The following GMDS variants were observed in gnomAD, a reference collection of about 807,000 sequenced individuals.
GMDS encodes the protein GDP-mannose 4,6-dehydratase.
GMDS carries 20 observed loss-of-function variants against 49.9 expected under a neutral mutation model. That is an observed-to-expected ratio of 0.40 (90% CI 0.28 to 0.58). GMDS has a LOEUF of 0.58. GMDS is among the 20% of genes least tolerant of loss of function. GMDS has a pLI of 0.42. For synonymous variants in GMDS, 177 were observed against 178.6 expected (o/e 0.99, Z 0.07); for missense variants, 362 against 481.4 (o/e 0.75, Z 2.32).
intron 1 of GMDS, among the ~76,000 whole-genome samples, chr6:2,236,986 G>T (rs1781389071): frequency 6.6e-6 from 1 of 152,100 alleles, no homozygotes; most frequent in Non-Finnish European, 1.5e-5. Flanking sequence ...AAGTTTAAAA[G>T]AACTTAGTAT....
intron 4 of GMDS, among the ~76,000 whole-genome samples, chr6:2,034,741 C>T (rs1267342743): frequency 6.6e-6 from 1 of 152,150 alleles, no homozygotes; most frequent in Non-Finnish European, 1.5e-5. Flanking sequence ...TCAAAAAATA[C>T]AAACACATCA....
intron 7 of GMDS, among the ~76,000 whole-genome samples, chr6:1,922,385 T>C (rs1029500642): frequency 1.4e-4 from 22 of 152,194 alleles, no homozygotes; most frequent in Admixed American, 3.9e-4. Flanking sequence ...TACTGCTATA[T>C]GCTACTCTCC....
At chr6:1,728,580 A>G (rs1766675737) in intron 8 of GMDS, among the ~76,000 whole-genome samples, 1 of 152,190 alleles carries the variant, frequency 6.6e-6, no homozygotes, top group Non-Finnish European at 1.5e-5. Flanking sequence ...ATTCAAATCT[A>G]TTTATAATTC....
chr6:1,828,203 T>C (rs1327284220), intron 7 of GMDS, among the ~76,000 whole-genome samples: 1 of 151,868 alleles, frequency 6.6e-6, no homozygotes, highest in Admixed American at 6.6e-5. Context: ...AGCAGAAGAA[T>C]TAGTAAATTT....
chr6:1,702,073 C>A (rs1338149973), intron 9 of GMDS, among the ~76,000 whole-genome samples: 1 of 152,236 alleles, frequency 6.6e-6, no homozygotes, highest in Non-Finnish European at 1.5e-5. Context: ...AACTGGAATG[C>A]CCCCTTTAAG....
At chr6:1,861,242 C>T (rs1758168783) in intron 7 of GMDS, among the ~76,000 whole-genome samples, 1 of 152,158 alleles carries the variant, frequency 6.6e-6, no homozygotes, top group Non-Finnish European at 1.5e-5. Context: ...GTTCTGGGCT[C>T]AGTCCTGTGT....
intron 7 of GMDS, among the ~76,000 whole-genome samples, chr6:1,805,549 T>G (rs994320769): frequency 6.6e-6 from 1 of 152,156 alleles, no homozygotes; most frequent in Non-Finnish European, 1.5e-5. Context: ...GAACCATACT[T>G]CTTTGGCATC....
At chr6:1,708,930 T>C (rs1765843030) in intron 9 of GMDS, among the ~76,000 whole-genome samples, 1 of 152,232 alleles carries the variant, frequency 6.6e-6, no homozygotes, top group Non-Finnish European at 1.5e-5. Context: ...CATGTTCAGT[T>C]GGGCCCTGAC....
intron 7 of GMDS, among the ~76,000 whole-genome samples, chr6:1,846,401 T>C (rs938637750): frequency 5.3e-5 from 8 of 152,318 alleles, no homozygotes; most frequent in African/African-American, 1.4e-4. Flanking sequence ...CCAGACACCA[T>C]GATTCTAATG....
At chr6:2,075,119 G>A (rs1456284876) in intron 4 of GMDS, among the ~76,000 whole-genome samples, 3 of 151,914 alleles carry the variant, frequency 2.0e-5, no homozygotes, top group Admixed American at 2.0e-4. Flanking sequence ...TTCTTTGGCT[G>A]TTCTCTTTGG....
chr6:1,688,055 A>G (rs1765045119), intron 9 of GMDS, among the ~76,000 whole-genome samples: 1 of 152,180 alleles, frequency 6.6e-6, no homozygotes, highest in African/African-American at 2.4e-5. Context: ...GAGGCTCTTA[A>G]ATCCACAGCA....
Position 1,997,478 on chromosome 6 carries a change from A to C in GMDS, c.346-36512T>G, listed in dbSNP as rs370685183. ...AGCTGAGATCGCGCCACTGCACTCC[A>C]GCCTGGGAGACAGAGTGAGACTCTG... On this transcript the variant is annotated intron_variant, in intron 4 of 10. Coordinates refer to ENST00000380815, the MANE Select transcript of GMDS (RefSeq NM_001500.4). Among the ~76,000 whole-genome samples the C allele has an allele frequency of 3.3e-3, 477 of 145,454 alleles. 5 individuals carry two copies. Among genetic ancestry groups the C allele is most frequent in the African/African-American group, 0.012 (450 of 38,672 alleles).
intron 7 of GMDS, among the ~76,000 whole-genome samples, chr6:1,743,756 A>G (rs1767378015): frequency 7.4e-6 from 1 of 134,974 alleles, no homozygotes; most frequent in Non-Finnish European, 1.6e-5. Flanking sequence ...TTTAATACAG[A>G]TAGGAGATGA....
chr6:1,663,016 C>T (rs1184776468), intron 9 of GMDS, among the ~76,000 whole-genome samples: 2 of 152,136 alleles, frequency 1.3e-5, no homozygotes, highest in African/African-American at 2.4e-5. Flanking sequence ...TTCTGGATAT[C>T]GTAAGGGGTT....
chr6:1,913,388 C>CAAAAAAAAAAAAAA, intron 7 of GMDS, among the ~76,000 whole-genome samples: 1 of 103,976 alleles, frequency 9.6e-6, no homozygotes, highest in Non-Finnish European at 1.9e-5. Flanking sequence ...CTCAAACAAA[C>CAAAAAAAAAAAAAA]AAAAAAAAAA....
At chr6:1,651,524 C>T (rs1056508793) in intron 9 of GMDS, among the ~76,000 whole-genome samples, 2 of 152,230 alleles carry the variant, frequency 1.3e-5, no homozygotes, top group Admixed American at 6.5e-5. Flanking sequence ...CCTCCTTTAA[C>T]TAGAAGAACA....
rs117058502 is a variant in GMDS, at chr6:1,956,107, T to C, written c.643+3760A>G. Among the ~76,000 whole-genome samples, 92 of 152,320 alleles carry C rather than the reference T, an allele frequency of 6.0e-4. 1 individual carries two copies. The East Asian group carries it at 0.017, about 27-fold the overall frequency. ...TGCTCTTTAACATTTATAGGAAATC[T>C]TTCTAAAAGACTACCTTGCTACCAT... On this transcript the variant is annotated intron_variant, in intron 6 of 10. Transcript: ENST00000380815.
intron 9 of GMDS, among the ~76,000 whole-genome samples, chr6:1,709,456 AG>A (rs1467342362): frequency 6.6e-6 from 1 of 152,214 alleles, no homozygotes; most frequent in Non-Finnish European, 1.5e-5. Context: ...ACATGACAAC[AG>A]TGAAGATCAT....
intron 9 of GMDS, among the ~76,000 whole-genome samples, chr6:1,694,560 A>G (rs548761099): frequency 6.6e-6 from 1 of 152,188 alleles, no homozygotes. Flanking sequence ...TTAAAATCAA[A>G]CATATGCTTT....
Sources: allele counts gnomAD v4.1 joint callset (sites outside exome capture counted in the v4.1 genomes callset), GRCh38; gene constraint gnomAD v4.1.1; transcripts MANE v1.5; gene names NCBI Gene and HGNC (gene_info 2026-07-23, HGNC 2026-07-21).